TMCO5A: variants seen among roughly 807,000 people sequenced by gnomAD.
The protein encoded by TMCO5A is transmembrane and coiled-coil domains 5A.
In TMCO5A, 34 loss-of-function variants were observed where a neutral mutation model predicts 42.3. That is an observed-to-expected ratio of 0.80 (90% CI 0.61 to 1.07). The LOEUF (loss-of-function observed/expected upper bound fraction) is 1.07, where lower values mean the gene tolerates loss of function less well. Ranked by LOEUF, TMCO5A falls within the 50% of genes least tolerant of loss-of-function variation. The probability of loss-of-function intolerance (pLI) is 0.00; values close to 1 mark genes in which losing one functional copy is unlikely to be tolerated. For synonymous variants in TMCO5A, 131 were observed against 115.6 expected (o/e 1.13, Z -0.86); for missense variants, 357 against 327.9 (o/e 1.09, Z -0.69).
At chr15:37,947,264 T>C (rs900143452) in intron 10 of TMCO5A, among the ~76,000 whole-genome samples, 1 of 152,118 alleles carries the variant, frequency 6.6e-6, no homozygotes, top group East Asian at 1.9e-4. Context: ...TAAGATATGT[T>C]TATATAGTTT....
chr15:38,026,082 G>T, the TMCO5A span, among the ~76,000 whole-genome samples: 6 of 152,134 alleles, frequency 3.9e-5, no homozygotes, highest in Non-Finnish European at 8.8e-5. Context: ...CAGTAAAATG[G>T]TACCAGTGGA....
At chr15:37,962,826 G>A (rs541960628) in intron 11 of TMCO5A, among the ~76,000 whole-genome samples, 1 of 151,982 alleles carries the variant, frequency 6.6e-6, no homozygotes, top group Non-Finnish European at 1.5e-5. Context: ...GTTTATATGT[G>A]TAAAGGTGTT....
intron 11 of TMCO5A, among the ~76,000 whole-genome samples, chr15:37,962,253 T>A (rs1890449027): frequency 6.6e-6 from 1 of 152,182 alleles, no homozygotes; most frequent in South Asian, 2.1e-4. Context: ...CATAAAGCGA[T>A]GCTGTATTTT....
chr15:37,941,525 C>A, intron 7 of TMCO5A, 146 bp from the exon 8 acceptor site: 2 of 696,156 alleles, frequency 2.9e-6, no homozygotes, highest in Non-Finnish European at 4.8e-6. Context: ...AAAGGAAATA[C>A]ATTTATCTGT....
chr15:38,005,580 A>C, the TMCO5A span, among the ~76,000 whole-genome samples: 923 of 152,074 alleles, frequency 6.1e-3, 15 homozygotes, highest in African/African-American at 0.021. Flanking sequence ...CTGTCTCTAA[A>C]AATAAATTAA....
the TMCO5A span, among the ~76,000 whole-genome samples, chr15:37,983,138 C>G: frequency 6.6e-6 from 1 of 152,120 alleles, no homozygotes; most frequent in East Asian, 1.9e-4. Context: ...GTCAGCAGAC[C>G]CAGAAAGAGC....
chr15:38,019,773 ATT>A, the TMCO5A span, among the ~76,000 whole-genome samples: 7 of 143,768 alleles, frequency 4.9e-5, no homozygotes, highest in South Asian at 2.2e-4. Flanking sequence ...TGTCTGGCTA[ATT>A]TTTTTTTTTT....
At chr15:38,018,524 T>G in the TMCO5A span, among the ~76,000 whole-genome samples, 1 of 151,954 alleles carries the variant, frequency 6.6e-6, no homozygotes, top group African/African-American at 2.4e-5. Flanking sequence ...TAAAAATTGT[T>G]GGCCTGTAAA....
intron 11 of TMCO5A, chr15:37,956,600 T>G (rs1890297808): frequency 2.9e-5 from 2 of 70,052 alleles, no homozygotes; most frequent in African/African-American, 9.8e-5. Context: ...CAGCAATTAA[T>G]AGCATACCAA....
chr15:38,034,189 T>C, the TMCO5A span, among the ~76,000 whole-genome samples: 2 of 152,074 alleles, frequency 1.3e-5, no homozygotes, highest in East Asian at 3.9e-4. Flanking sequence ...TTTTATAAAG[T>C]CACTAATCAC....
At chr15:37,982,263 T>C in the TMCO5A span, among the ~76,000 whole-genome samples, 1 of 152,090 alleles carries the variant, frequency 6.6e-6, no homozygotes, top group South Asian at 2.1e-4. Context: ...CTTCAGAATA[T>C]GCATCCTCAG....
the TMCO5A span, among the ~76,000 whole-genome samples, chr15:37,973,991 A>AAG: frequency 6.6e-6 from 1 of 152,260 alleles, no homozygotes; most frequent in East Asian, 1.9e-4. Context: ...CATTTTATCA[A>AAG]AGGCCTTTTC....
the TMCO5A span, among the ~76,000 whole-genome samples, chr15:38,038,802 C>G: frequency 6.6e-6 from 1 of 152,192 alleles, no homozygotes; most frequent in African/African-American, 2.4e-5. Context: ...ATTCTCCCAA[C>G]TAGGAAACTT....
the TMCO5A span, among the ~76,000 whole-genome samples, chr15:38,028,493 G>T: frequency 1.3e-5 from 2 of 152,152 alleles, no homozygotes; most frequent in Admixed American, 6.5e-5. Flanking sequence ...GTCACAGTTG[G>T]TGCTGATGTT....
At chr15:38,001,466 C>T in the TMCO5A span, among the ~76,000 whole-genome samples, 2 of 148,764 alleles carry the variant, frequency 1.3e-5, no homozygotes, top group Admixed American at 6.7e-5. Context: ...GAATTAGCCA[C>T]TCTATGTCTT....
chr15:37,937,734 C>T (rs1380100151), intron 5 of TMCO5A, among the ~76,000 whole-genome samples: 1 of 152,078 alleles, frequency 6.6e-6, no homozygotes, highest in African/African-American at 2.4e-5. Flanking sequence ...TCAACAGAGA[C>T]CTTTTAAACA....
intron 11 of TMCO5A, among the ~76,000 whole-genome samples, chr15:37,959,881 T>C (rs1386673101): frequency 6.6e-6 from 1 of 151,698 alleles, no homozygotes; most frequent in East Asian, 1.9e-4. Context: ...AAGAAAGAAG[T>C]CAAATTCTGC....
chr15:38,031,687 T>C, the TMCO5A span, among the ~76,000 whole-genome samples: 1 of 152,106 alleles, frequency 6.6e-6, no homozygotes, highest in Non-Finnish European at 1.5e-5. Flanking sequence ...AATATTTTGG[T>C]TGCAACCCCA....
At chr15:37,993,578 A>G in the TMCO5A span, 1 of 152,128 alleles carries the variant, frequency 6.6e-6, no homozygotes, top group Admixed American at 6.6e-5. Context: ...ACCAGATTAC[A>G]ATGAAGGGAT....
Sources: gnomAD v4.1 joint callset for allele counts (sites outside exome capture counted in the v4.1 genomes callset) on GRCh38, gnomAD v4.1.1 for gene constraint, MANE v1.5 for transcripts, NCBI Gene and HGNC (gene_info 2026-07-23, HGNC 2026-07-21) for gene names.